Variants in BICDL1 observed in about 807,000 individuals in gnomAD.
The protein encoded by BICDL1 is BICD family-like cargo adapter 1.
A neutral mutation model predicts 76.8 loss-of-function variants in BICDL1; 20 were observed. That is an observed-to-expected ratio of 0.26 (90% CI 0.18 to 0.38). The LOEUF (loss-of-function observed/expected upper bound fraction) is 0.38. BICDL1 is among the 10% of genes least tolerant of loss of function. The pLI is 1.00. For synonymous variants in BICDL1, 383 were observed against 337.1 expected (o/e 1.14, Z -1.49); for missense variants, 700 against 798.6 (o/e 0.88, Z 1.49).
chr12:120,021,555 C>T (rs1385937535), intron 2 of BICDL1, among the ~76,000 whole-genome samples: 1 of 142,358 alleles, frequency 7.0e-6, no homozygotes, highest in African/African-American at 2.7e-5. Context: ...CCACTGCACT[C>T]CACCCTGGGT....
At chr12:120,037,198 A>G (rs959242462) in intron 2 of BICDL1, among the ~76,000 whole-genome samples, 2 of 152,192 alleles carry the variant, frequency 1.3e-5, no homozygotes, top group African/African-American at 4.8e-5. Flanking sequence ...AAATGGGTAC[A>G]GCATTATTTG....
chr12:119,993,557 C>G (rs570785956), intron 1 of BICDL1: 1 of 151,734 alleles, frequency 6.6e-6, no homozygotes, highest in Admixed American at 6.6e-5. Flanking sequence ...CCATTTTTTC[C>G]GCTCTTGAAT....
chr12:120,080,580 G>C (rs965972197), intron 7 of BICDL1: 6 of 242,592 alleles, frequency 2.5e-5, no homozygotes, highest in Non-Finnish European at 4.2e-5. Flanking sequence ...TACCTGGAGT[G>C]CCTGGAGATG....
chr12:120,089,343 CGTGT>C (rs766699479), intron 8 of BICDL1, among the ~76,000 whole-genome samples: 5 of 145,262 alleles, frequency 3.4e-5, no homozygotes, highest in South Asian at 2.2e-4. Context: ...GTGTGTGTGG[CGTGT>C]GTGTGTGACG....
chr12:120,047,778 G>A (rs1392522869), intron 2 of BICDL1, among the ~76,000 whole-genome samples: 4 of 151,970 alleles, frequency 2.6e-5, no homozygotes, highest in African/African-American at 9.7e-5. Flanking sequence ...CTTCCCTTAA[G>A]ATAATTACTG....
intron 2 of BICDL1, among the ~76,000 whole-genome samples, chr12:120,046,875 A>T (rs988849629): frequency 6.6e-6 from 1 of 152,174 alleles, no homozygotes; most frequent in African/African-American, 2.4e-5. Flanking sequence ...AATAAAATTA[A>T]AAGATCTGTT....
chr12:119,990,974 T>C (rs1366446936), intron 1 of BICDL1, among the ~76,000 whole-genome samples: 1 of 152,264 alleles, frequency 6.6e-6, no homozygotes, highest in Non-Finnish European at 1.5e-5. Flanking sequence ...AAATGCAACC[T>C]ATGAGAACCA....
chr12:120,094,139 G>C lies in BICDL1; in HGVS notation c.*978G>C. The C allele has an allele frequency of 2.3e-6, 1 of 438,554 alleles. No homozygotes were observed. The highest frequency in any genetic ancestry group is 4.6e-6 in the Non-Finnish European group (1 of 215,808). 27.2% of individuals were successfully genotyped at this position (438,554 alleles called of 1,614,324 possible). On this transcript the variant is annotated 3_prime_UTR_variant, in exon 10 of 10. Transcript: ENST00000548673. ...GGAAGCCTCCAGATGCTGCCTGCCT[G>C]CCTGCAGAAGCCTGCAGTGGCTGCT...
chr12:120,041,828 CAA>C (rs1199014752), intron 2 of BICDL1, among the ~76,000 whole-genome samples: 2 of 152,126 alleles, frequency 1.3e-5, no homozygotes, highest in Non-Finnish European at 2.9e-5. Context: ...ATGAGTGGAA[CAA>C]AGAGAATGCA....
intron 2 of BICDL1, among the ~76,000 whole-genome samples, chr12:120,033,781 G>GTATA (rs749039224): frequency 3.3e-5 from 5 of 151,258 alleles, no homozygotes; most frequent in Admixed American, 3.3e-4. Flanking sequence ...ACTGGAGAGA[G>GTATA]TATATATATA....
At chr12:120,049,292 A>G (rs1484245066) in intron 2 of BICDL1, among the ~76,000 whole-genome samples, 1 of 152,216 alleles carries the variant, frequency 6.6e-6, no homozygotes, top group Non-Finnish European at 1.5e-5. Context: ...AAGGGGACAG[A>G]GTTACAGGAG....
intron 1 of BICDL1, among the ~76,000 whole-genome samples, 169 bp downstream of exon 1, chr12:119,990,466 C>T (rs1951496080): frequency 6.6e-6 from 1 of 152,202 alleles, no homozygotes; most frequent in South Asian, 2.1e-4. Context: ...TTTCGTTGAA[C>T]CCACTTGACT....
At chr12:120,091,321 C>T (rs906840314) in intron 9 of BICDL1, 12 of 1,044,160 alleles carry the variant, frequency 1.1e-5, no homozygotes, top group African/African-American at 8.5e-5. Context: ...CTCTAAAGGG[C>T]GACCTGGACA....
chr12:120,020,457 C>T (rs1566221087), intron 2 of BICDL1, among the ~76,000 whole-genome samples: 1 of 152,106 alleles, frequency 6.6e-6, no homozygotes, highest in Non-Finnish European at 1.5e-5. Context: ...CTAAAAATTA[C>T]TTAAACATTA....
At chr12:120,076,152 C>G (rs1873528439) in intron 7 of BICDL1, among the ~76,000 whole-genome samples, 1 of 152,210 alleles carries the variant, frequency 6.6e-6, no homozygotes. Flanking sequence ...GAGTGAGACT[C>G]TGTCTCAAAA....
At chr12:120,070,853 T>TTC (rs1476141458) in intron 4 of BICDL1, among the ~76,000 whole-genome samples, 1 of 147,722 alleles carries the variant, frequency 6.8e-6, no homozygotes, top group Non-Finnish European at 1.5e-5. Context: ...TGCCTCAGCC[T>TTC]CCCGAGTAGC....
chr12:120,091,009 C>G, intron 9 of BICDL1: 1 of 1,289,110 alleles, frequency 7.8e-7, no homozygotes. Context: ...TACACCCCTC[C>G]TGCCTTTGAG....
intron 2 of BICDL1, among the ~76,000 whole-genome samples, chr12:120,039,751 A>AT (rs1382366313): frequency 6.6e-6 from 1 of 152,122 alleles, no homozygotes; most frequent in Non-Finnish European, 1.5e-5. Context: ...GAATGGACAG[A>AT]TTCTGGCCTG....
rs72097325 is a variant in BICDL1, at chr12:120,045,917, T to TATAATAATAATAATAATAATAATA, written c.646-15774_646-15773insTAATAATAATAATAATAATAATAA. Among the ~76,000 whole-genome samples, 286 of 137,684 alleles carry TATAATAATAATAATAATAATAATA rather than the reference T, an allele frequency of 2.1e-3. 1 individual carries two copies. Among genetic ancestry groups the TATAATAATAATAATAATAATAATA allele is most frequent in the East Asian group, 7.3e-3 (37 of 5,072 alleles). 90.3% of individuals were successfully genotyped at this position (137,684 alleles called of 152,430 possible). A position where few individuals can be genotyped will look rare whatever the true frequency, so the allele number is the denominator to read the frequency against. ...ACATGTACCCTAAAACTTAAAGTAT[T>TATAATAATAATAATAATAATAATA]ATAATAATAATAATAATAAAAAGAA... On this transcript the variant is annotated intron_variant, in intron 2 of 9. Transcript: ENST00000548673.
Sources: gnomAD v4.1 joint callset for allele counts (sites outside exome capture counted in the v4.1 genomes callset) on GRCh38, gnomAD v4.1.1 for gene constraint, MANE v1.5 for transcripts, NCBI Gene and HGNC (gene_info 2026-07-23, HGNC 2026-07-21) for gene names.